Variants in BAHCC1 observed in about 807,000 individuals in gnomAD.
The protein encoded by BAHCC1 is BAH and coiled-coil domain-containing protein 1.
A neutral mutation model predicts 88.2 loss-of-function variants in BAHCC1; 43 were observed. The observed-to-expected ratio is 0.49, with a 90% CI of 0.38 to 0.63. The LOEUF (loss-of-function observed/expected upper bound fraction) is 0.63. Among genes scored for constraint, BAHCC1 ranks in the 20% least tolerant of loss-of-function variants. The probability of loss-of-function intolerance (pLI) is 0.00; values close to 1 mark genes in which losing one functional copy is unlikely to be tolerated. For synonymous variants in BAHCC1, 1,510 were observed against 745.5 expected, an observed-to-expected ratio of 2.03 and a Z score of -16.71; for missense variants, 3,023 against 1,654.8, an observed-to-expected ratio of 1.83 and a Z score of -14.34.
At chr17:81,453,100 C>T (rs941764143) in intron 14 of BAHCC1, among the ~76,000 whole-genome samples, 1 of 152,236 alleles carries the variant, frequency 6.6e-6, no homozygotes, top group Non-Finnish European at 1.5e-5. Context: ...CTGGAAGTCA[C>T]GGCCCCCAGG....
Position 81,464,306 on chromosome 17 carries a change from G to GC in BAHCC1, c.*490dup, listed in dbSNP as rs1598521739. On this transcript the variant is annotated 3_prime_UTR_variant, in exon 28 of 28. Transcript: ENST00000675386. Reference sequence around the variant, plus strand: ...TGTGTGTGAGCGTGTATGTGTGTGCGCGTGTGTGGCGATTTTTGTCCTGGG... The same window carrying GC: ...TGTGTGTGAGCGTGTATGTGTGTGCGCCGTGTGTGGCGATTTTTGTCCTGGG... 1 of 187,620 alleles carries GC rather than the reference G, an allele frequency of 5.3e-6. No individual in the cohort carries two copies. The highest frequency in any genetic ancestry group is 1.3e-4 in the East Asian group (1 of 7,912). 11.6% of individuals were successfully genotyped at this position (187,620 alleles called of 1,614,324 possible).
At chr17:81,418,817 G>GCA (rs1555649160) in intron 2 of BAHCC1, among the ~76,000 whole-genome samples, 1 of 151,526 alleles carries the variant, frequency 6.6e-6, no homozygotes, top group Non-Finnish European at 1.5e-5. Context: ...GTACGTGTGT[G>GCA]TGTGTGTGTG....
At chr17:81,448,786 G>A (rs1230512606) in intron 11 of BAHCC1, among the ~76,000 whole-genome samples, 1 of 152,178 alleles carries the variant, frequency 6.6e-6, no homozygotes, top group African/African-American at 2.4e-5. Flanking sequence ...GCCCTCGGGG[G>A]TATCTGGCCC....
chr17:81,432,190 G>T (rs1180175497), intron 3 of BAHCC1, among the ~76,000 whole-genome samples: 1 of 152,154 alleles, frequency 6.6e-6, no homozygotes, highest in Non-Finnish European at 1.5e-5. Context: ...CAGTGGCCTT[G>T]GTCACTGGGG....
chr17:81,438,271 C>T, intron 3 of BAHCC1, 99 bp from the exon 4 acceptor site: 1 of 729,254 alleles, frequency 1.4e-6, no homozygotes, highest in East Asian at 2.5e-5. Context: ...GGACATCGCT[C>T]CTGGGCTGCC....
chr17:81,401,096 T>C (rs2063810679), intron 2 of BAHCC1: 1 of 152,258 alleles, frequency 6.6e-6, no homozygotes, highest in Admixed American at 6.5e-5. Flanking sequence ...TTAATGGGAT[T>C]ACAATTAGTG....
chr17:81,406,593 C>T (rs2063882482), intron 2 of BAHCC1, among the ~76,000 whole-genome samples: 1 of 152,262 alleles, frequency 6.6e-6, no homozygotes, highest in African/African-American at 2.4e-5. Context: ...CGGGCTCCGC[C>T]CGCTGACGTT....
rs2063790077 is a variant in BAHCC1, at chr17:81,399,792, G to A, written c.53G>A (p.Ser18Asn). 2 of 1,264,868 alleles carry A rather than the reference G, an allele frequency of 1.6e-6. No homozygotes were observed. Among genetic ancestry groups the A allele is most frequent in the East Asian group, 6.7e-5 (2 of 30,016 alleles). The allele number at this position is 1,264,868 out of a possible 1,614,324, so 78.4% of individuals were successfully genotyped here. Reference protein sequence around the residue: ...PPPHLLSERGSLGHRSAAAAA... With the variant: ...PPPHLLSERGNLGHRSAAAAA... The stretch of plus-strand genomic sequence containing the variant: ...CCGCATCTGCTGTCGGAGCGCGGGA[G>A]CCTGGGCCACCGCAGCGCCGCTGCC... The change falls in exon 2 of 28, where the codon AGC becomes AAC. Residue 18 changes from serine to asparagine, a missense_variant. Ser to Asn is a conservative substitution (Grantham distance 46, BLOSUM62 1). Transcript: ENST00000675386. This position sits in a 1 kb window ranked among gnomAD's most constrained non-coding sequence, Gnocchi z 4.5.
intron 3 of BAHCC1, among the ~76,000 whole-genome samples, chr17:81,431,164 C>T (rs1225331106): frequency 6.6e-6 from 1 of 152,094 alleles, no homozygotes; most frequent in Non-Finnish European, 1.5e-5. Context: ...GCTGCCCCAT[C>T]CAGGCCTATG....
chr17:81,412,157 G>C (rs1555647955), intron 2 of BAHCC1, among the ~76,000 whole-genome samples: 2 of 152,182 alleles, frequency 1.3e-5, no homozygotes, highest in Non-Finnish European at 2.9e-5. Context: ...TCTCCGTAGT[G>C]GGACAGCTAC....
At chr17:81,444,949 C>T (rs1014632199) in intron 8 of BAHCC1, 66 bp from the exon 9 acceptor site, 59 of 682,414 alleles carry the variant, frequency 8.6e-5, no homozygotes, top group Admixed American at 6.8e-4. Flanking sequence ...GAAAGGGTGG[C>T]GGGGAAGCAG....
rs1598480030 is a variant in BAHCC1, at chr17:81,434,946, C to G, written c.359-3424C>G. On this transcript the variant is annotated intron_variant, in intron 3 of 27. Coordinates refer to ENST00000675386, the MANE Select transcript of BAHCC1 (RefSeq NM_001377448.1). The surrounding 1 kb of genome is among the most constrained non-coding windows in gnomAD (Gnocchi z 4.9). ...GCTGGTGCACCCTGGGTGGGGGCTCCTCCTCCCTCCCCAGGGGTGAGAAGC... is the reference window on the plus strand; with the variant it reads ...GCTGGTGCACCCTGGGTGGGGGCTCGTCCTCCCTCCCCAGGGGTGAGAAGC... 3.3e-5 allele frequency among the ~76,000 whole-genome samples: 5 copies of G among 152,144 alleles called. No individual in the cohort carries two copies. In the East Asian group the frequency reaches 9.7e-4, roughly 29 times the overall value.
chr17:81,409,149 G>A (rs138108748), intron 2 of BAHCC1, among the ~76,000 whole-genome samples: 165 of 152,342 alleles, frequency 1.1e-3, no homozygotes, highest in Non-Finnish European at 1.9e-3. Flanking sequence ...GGACCATGGC[G>A]TGGGGCCACA....
intron 2 of BAHCC1, among the ~76,000 whole-genome samples, chr17:81,416,727 G>T (rs943729065): frequency 6.6e-6 from 1 of 152,192 alleles, no homozygotes; most frequent in African/African-American, 2.4e-5. Flanking sequence ...ACCTGCCTCC[G>T]CCCACCTTTC....
At chr17:81,452,882 C>G in intron 14 of BAHCC1, 31 bp downstream of exon 14, 1 of 710,930 alleles carries the variant, frequency 1.4e-6, no homozygotes, top group Non-Finnish European at 2.6e-6. Context: ...TGGCAGGGCG[C>G]GTGTGGCCGG....
intron 2 of BAHCC1, among the ~76,000 whole-genome samples, chr17:81,416,695 C>T (rs545606338): frequency 6.6e-6 from 1 of 152,326 alleles, no homozygotes; most frequent in Non-Finnish European, 1.5e-5. Context: ...AGAGCCTGCC[C>T]CCCTGGCCAT....
In BAHCC1 at chr17:81,460,605, C is replaced by G; in HGVS notation, c.6101C>G (p.Pro2034Arg). The change falls in exon 25 of 28, where the codon CCG (proline) becomes CGG (arginine). Residue 2034 changes from proline (P) to arginine (R), a missense_variant. Transcript: ENST00000675386. ...RTKKVSSEAP[P>R]PSEAATPSLS... is the part of the protein sequence containing the mutation. The stretch of plus-strand genomic sequence containing the variant: ...AAGAAGGTATCCAGTGAGGCACCCC[C>G]GCCTAGTGAAGCCGCCACCCCCAGC... The G allele has an allele frequency of 1.3e-6, 1 of 770,584 alleles. No individual in the cohort carries two copies. Among genetic ancestry groups the G allele is most frequent in the Non-Finnish European group, 2.4e-6 (1 of 413,890 alleles). 47.7% of individuals were successfully genotyped at this position (770,584 alleles called of 1,614,324 possible).
At chr17:81,407,876 C>T (rs1332631392) in intron 2 of BAHCC1, among the ~76,000 whole-genome samples, 3 of 152,224 alleles carry the variant, frequency 2.0e-5, no homozygotes, top group Admixed American at 1.3e-4. Flanking sequence ...CACAACTGGC[C>T]CACAAGGAGT....
chr17:81,413,571 G>A lies in BAHCC1; in HGVS notation c.179-13229G>A, dbSNP rs145942943. Among the ~76,000 whole-genome samples the A allele has an allele frequency of 4.7e-3, 712 of 152,326 alleles. 4 individuals carry two copies. Among genetic ancestry groups the A allele is most frequent in the African/African-American group, 0.015 (628 of 41,566 alleles). On this transcript the variant is annotated intron_variant, in intron 2 of 27. Coordinates refer to ENST00000675386, the MANE Select transcript of BAHCC1 (RefSeq NM_001377448.1). ...GTGCTGTCCACGCAGGTGCAGTATCGTCTCAGCACCTGTGGGAGGTCCGTT... is the reference window on the plus strand; with the variant it reads ...GTGCTGTCCACGCAGGTGCAGTATCATCTCAGCACCTGTGGGAGGTCCGTT...
Sources: allele counts gnomAD v4.1 joint callset (sites outside exome capture counted in the v4.1 genomes callset), GRCh38; gene constraint gnomAD v4.1.1; non-coding constraint Gnocchi (gnomAD v3.1); transcripts MANE v1.5; gene names NCBI Gene and HGNC (gene_info 2026-07-23, HGNC 2026-07-21).